ERMP1: variants seen among roughly 807,000 people sequenced by gnomAD.
The protein encoded by ERMP1 is endoplasmic reticulum metallopeptidase 1, also known as Felix-ina.
A neutral mutation model predicts 92.0 loss-of-function variants in ERMP1; 86 were observed. The observed-to-expected ratio is 0.93, with a 90% CI of 0.79 to 1.12. The LOEUF is 1.12. Among genes scored for constraint, ERMP1 ranks in the 50% most tolerant of loss-of-function variants. ERMP1 has a pLI of 0.00. For synonymous variants in ERMP1, 530 were observed against 412.8 expected (o/e 1.28, Z -3.44); for missense variants, 1,342 against 1,116.3 (o/e 1.20, Z -2.88).
At chr9:5,792,047 G>C (rs1828219457) in intron 13 of ERMP1, among the ~76,000 whole-genome samples, 1 of 152,108 alleles carries the variant, frequency 6.6e-6, no homozygotes. Flanking sequence ...GTAGAGTCTG[G>C]GTAGGAGGTA....
At position 5,812,892 on chromosome 9, in the gene ERMP1, G is replaced by C; in HGVS notation, c.1018C>G (p.Pro340Ala). ...FRIYRDFGNIPGIDLAFIENG... is the reference protein window; with the variant it reads ...FRIYRDFGNIAGIDLAFIENG... ...GCCGTAACCATTGACAATATACCTG[G>C]AATGTTCCCAAAATCCCTGTAGATA... Residue 340 changes from proline to alanine, a missense_variant, in exon 5 of 15, where the codon CCA becomes GCA. Coordinates refer to ENST00000339450, the MANE Select transcript of ERMP1 (RefSeq NM_024896.3). 1 of 1,613,866 alleles carries C rather than the reference G, an allele frequency of 6.2e-7. No individual in the cohort carries two copies. Among genetic ancestry groups the C allele is most frequent in the Non-Finnish European group, 8.5e-7 (1 of 1,179,838 alleles).
At chr9:5,832,568 G>A (rs757828642) in intron 1 of ERMP1, 122 bp downstream of exon 1, 66 of 753,506 alleles carry the variant, frequency 8.8e-5, no homozygotes, top group Non-Finnish European at 1.2e-4. Flanking sequence ...CGTGCAGCCT[G>A]GGAGGGGTCA....
At chr9:5,823,619 C>A (rs564688510) in intron 4 of ERMP1, among the ~76,000 whole-genome samples, 13 of 152,242 alleles carry the variant, frequency 8.5e-5, no homozygotes, top group Admixed American at 2.0e-4. Context: ...ATGGAAGTAA[C>A]AGTACTTATC....
chr9:5,858,159 G>A (rs934618562), intron 6 of ERMP1, among the ~76,000 whole-genome samples: 4 of 152,208 alleles, frequency 2.6e-5, no homozygotes, highest in African/African-American at 9.7e-5. Context: ...CCACAGAATA[G>A]TCAGCAAGAG....
chr9:5,807,655 A>C (rs1828918688), intron 8 of ERMP1, among the ~76,000 whole-genome samples: 1 of 152,140 alleles, frequency 6.6e-6, no homozygotes, highest in African/African-American at 2.4e-5. Flanking sequence ...CTGAGGCACA[A>C]GAACAGCTAG....
rs370417132 is a variant in ERMP1, at chr9:5,801,379, G to GGAAT, written c.1915-52_1915-51insATTC. On this transcript the variant is annotated intron_variant, in intron 10 of 14. Coordinates refer to ENST00000339450, the MANE Select transcript of ERMP1 (RefSeq NM_024896.3). ...AATATTACAAATTCATTCTAGTGGT[G>GGAAT]GAAAGGTGTTTTTAACTAACTTTAT... The GGAAT allele has an allele frequency of 1.9e-5, 30 of 1,557,598 alleles. No individual in the cohort carries two copies. The African/African-American group carries it at 3.4e-4, about 18-fold the overall frequency.
intron 6 of ERMP1, among the ~76,000 whole-genome samples, chr9:5,844,514 C>G (rs7030946): frequency 6.6e-6 from 1 of 152,114 alleles, no homozygotes; most frequent in African/African-American, 2.4e-5. Flanking sequence ...GCTCAAGTGA[C>G]CCACCCTCCT....
intron 7 of ERMP1, 49 bp from the exon 8 acceptor site, chr9:5,810,280 GTTATATA>G: frequency 7.2e-7 from 1 of 1,386,230 alleles, no homozygotes. Flanking sequence ...CATCAAATCA[GTTATATA>G]ACCAGTCAGT....
In ERMP1 at chr9:5,787,443, C is replaced by T. The variant is rs202211189; in HGVS notation, c.2537G>A (p.Trp846Ter). 6.2e-7 allele frequency: 1 copy of T among 1,612,984 alleles called. No homozygotes were observed. Among genetic ancestry groups the T allele is most frequent in the Non-Finnish European group, 8.5e-7 (1 of 1,179,668 alleles). The part of the protein sequence containing the change: ...HGLQASAWQF[W>*]IEVQVSEEHP... ...GGAAATTGGCACCTGCACTTCTATC[C>T]AGAACTGCCATGCAGAGGCCTGGAG... is the stretch of plus-strand genomic sequence containing the variant. The change falls in exon 14 of 15, where the codon TGG becomes TAG. Residue 846 changes from tryptophan (W) to a stop codon, truncating the protein, a stop_gained. Coordinates refer to ENST00000339450, the MANE Select transcript of ERMP1 (RefSeq NM_024896.3). LOFTEE classifies it high-confidence loss of function.
intron 4 of ERMP1, among the ~76,000 whole-genome samples, chr9:5,823,643 G>A (rs1302683435): frequency 6.6e-6 from 1 of 152,134 alleles, no homozygotes; most frequent in Non-Finnish European, 1.5e-5. Flanking sequence ...CATGTTGTTT[G>A]GAGGATTCAA....
At chr9:5,812,640 G>C in intron 5 of ERMP1, 1 of 518,968 alleles carries the variant, frequency 1.9e-6, no homozygotes, top group African/African-American at 1.9e-5. Context: ...CATCTTTTGG[G>C]AATGAGGTGC....
chr9:5,855,384 G>C (rs1392408319), intron 6 of ERMP1, among the ~76,000 whole-genome samples: 2 of 152,218 alleles, frequency 1.3e-5, no homozygotes, highest in African/African-American at 4.8e-5. Flanking sequence ...GAGAAAGCCT[G>C]GGCTAGAGCC....
intron 4 of ERMP1, among the ~76,000 whole-genome samples, chr9:5,819,490 T>G (rs1829448918): frequency 6.6e-6 from 1 of 152,234 alleles, no homozygotes; most frequent in East Asian, 1.9e-4. Context: ...GCCCAGCAAC[T>G]GCCTGTCCAA....
intron 8 of ERMP1, among the ~76,000 whole-genome samples, chr9:5,809,573 C>G (rs750942233): frequency 6.6e-6 from 1 of 152,178 alleles, no homozygotes; most frequent in Non-Finnish European, 1.5e-5. Flanking sequence ...GCAACAAATA[C>G]TTGCTGTGTG....
At chr9:5,814,499 T>G (rs1829227686) in intron 4 of ERMP1, among the ~76,000 whole-genome samples, 1 of 152,162 alleles carries the variant, frequency 6.6e-6, no homozygotes, top group East Asian at 1.9e-4. Flanking sequence ...TCCCAGCACT[T>G]TAGGAGGCCG....
chr9:5,789,975 G>A (rs1828108394), intron 13 of ERMP1, among the ~76,000 whole-genome samples: 1 of 151,560 alleles, frequency 6.6e-6, no homozygotes, highest in Non-Finnish European at 1.5e-5. Context: ...ACCACACCTG[G>A]CCAAAAGAAC....
rs150652241 is a variant in ERMP1 at position 5,829,453 on chromosome 9, G to C, written c.640+1274C>G. 2.7e-3 allele frequency among the ~76,000 whole-genome samples: 404 copies of C among 152,236 alleles called. 4 individuals carry two copies. The highest frequency in any genetic ancestry group is 9.1e-3 in the African/African-American group (379 of 41,530). Reference sequence around the variant, plus strand: ...GACGTTCAAATTTGGCCTGCTATAAGTTCGAGTAATCCAGAAGTGTTAATA... The same window carrying C: ...GACGTTCAAATTTGGCCTGCTATAACTTCGAGTAATCCAGAAGTGTTAATA... On this transcript the variant is annotated intron_variant, in intron 2 of 14. Coordinates refer to ENST00000339450, the MANE Select transcript of ERMP1 (RefSeq NM_024896.3).
chr9:5,796,213 T>C (rs1039345681), intron 13 of ERMP1, among the ~76,000 whole-genome samples: 2 of 152,192 alleles, frequency 1.3e-5, no homozygotes, highest in Non-Finnish European at 2.9e-5. Context: ...AAACTGATTC[T>C]AAAGTTTACA....
At chr9:5,854,550 G>A (rs1202782137) in intron 6 of ERMP1, among the ~76,000 whole-genome samples, 1 of 152,058 alleles carries the variant, frequency 6.6e-6, no homozygotes, top group East Asian at 1.9e-4. Flanking sequence ...ACTTTTTTCT[G>A]AGTCACAGTT....
Sources: gnomAD v4.1 joint callset for allele counts (sites outside exome capture counted in the v4.1 genomes callset) on GRCh38, gnomAD v4.1.1 for gene constraint, MANE v1.5 for transcripts, NCBI Gene and HGNC (gene_info 2026-07-23, HGNC 2026-07-21) for gene names.